ZSWIM6: variants seen among roughly 807,000 people sequenced by gnomAD.
ZSWIM6 encodes the protein zinc finger SWIM-type containing 6.
ZSWIM6 carries 9 observed loss-of-function variants against 113.2 expected under a neutral mutation model. That is an observed-to-expected ratio of 0.08 (90% CI 0.05 to 0.14). The LOEUF (loss-of-function observed/expected upper bound fraction) is 0.14. Ranked by LOEUF, ZSWIM6 falls within the 10% of genes least tolerant of loss-of-function variation. The pLI, the probability that ZSWIM6 is intolerant of heterozygous loss-of-function variation, is 1.00. For synonymous variants in ZSWIM6, 611 were observed against 606.5 expected, an observed-to-expected ratio of 1.01 and a Z score of -0.11; for missense variants, 1,162 against 1,552.2, an observed-to-expected ratio of 0.75 and a Z score of 4.22.
intron 1 of ZSWIM6, among the ~76,000 whole-genome samples, chr5:61,470,261 A>G (rs190231399): frequency 2.6e-5 from 4 of 152,356 alleles, no homozygotes; most frequent in Admixed American, 6.5e-5. Context: ...ATAAATGGTC[A>G]GTTTAGGATA....
chr5:61,482,357 G>C (rs1462690055), intron 2 of ZSWIM6, among the ~76,000 whole-genome samples: 2 of 148,334 alleles, frequency 1.3e-5, no homozygotes, highest in Non-Finnish European at 3.0e-5. Flanking sequence ...GGGGAGCGTG[G>C]GGGGTTAGGG....
At chr5:61,385,624 T>A (rs1361026191) in intron 1 of ZSWIM6, among the ~76,000 whole-genome samples, 1 of 152,222 alleles carries the variant, frequency 6.6e-6, no homozygotes, top group Non-Finnish European at 1.5e-5. Context: ...ATGTTAATGC[T>A]CTTTTCTCTT....
chr5:61,513,826 T>C (rs1339887339), intron 4 of ZSWIM6, among the ~76,000 whole-genome samples: 2 of 152,122 alleles, frequency 1.3e-5, no homozygotes, highest in Admixed American at 6.6e-5. Context: ...TATGTGCCTA[T>C]CCCTTCATCA....
chr5:61,481,790 A>G (rs369335230), intron 2 of ZSWIM6, among the ~76,000 whole-genome samples: 2 of 152,098 alleles, frequency 1.3e-5, no homozygotes, highest in Non-Finnish European at 2.9e-5. Flanking sequence ...AAATTCACAC[A>G]TCCATCTCTG....
At chr5:61,470,749 C>G (rs1368440232) in intron 1 of ZSWIM6, among the ~76,000 whole-genome samples, 1 of 152,186 alleles carries the variant, frequency 6.6e-6, no homozygotes, top group East Asian at 1.9e-4. Flanking sequence ...TATCGTGAAG[C>G]AGTAATAGTG....
At chr5:61,484,210 C>T (rs1747954400) in intron 2 of ZSWIM6, among the ~76,000 whole-genome samples, 1 of 152,102 alleles carries the variant, frequency 6.6e-6, no homozygotes, top group Non-Finnish European at 1.5e-5. Context: ...GCTGAAATGC[C>T]TTCAGTCATG....
intron 4 of ZSWIM6, among the ~76,000 whole-genome samples, chr5:61,520,954 A>G (rs888219720): frequency 6.6e-6 from 1 of 152,076 alleles, no homozygotes; most frequent in Non-Finnish European, 1.5e-5. Flanking sequence ...TATGAAGTAT[A>G]TTTTATTATG....
At chr5:61,404,624 G>T (rs1048132090) in intron 1 of ZSWIM6, among the ~76,000 whole-genome samples, 3 of 152,202 alleles carry the variant, frequency 2.0e-5, no homozygotes, top group Non-Finnish European at 2.9e-5. Context: ...GCCAGTAGCT[G>T]CCTCTTTGTT....
chr5:61,387,667 G>A (rs1379903473), intron 1 of ZSWIM6, among the ~76,000 whole-genome samples: 1 of 152,126 alleles, frequency 6.6e-6, no homozygotes, highest in African/African-American at 2.4e-5. Context: ...AGCACTTTGG[G>A]AGGCCGAGGC....
intron 4 of ZSWIM6, among the ~76,000 whole-genome samples, chr5:61,497,527 G>T (rs757063416): frequency 6.6e-6 from 1 of 152,052 alleles, no homozygotes; most frequent in Non-Finnish European, 1.5e-5. Context: ...GTTAACTTTT[G>T]TGATTTACTC....
chr5:61,388,100 A>C (rs1316066846), intron 1 of ZSWIM6, among the ~76,000 whole-genome samples: 1 of 150,012 alleles, frequency 6.7e-6, no homozygotes, highest in Non-Finnish European at 1.5e-5. Context: ...CTCATGCCTC[A>C]GTCTCCTGAG....
intron 1 of ZSWIM6, among the ~76,000 whole-genome samples, chr5:61,354,951 T>G (rs1280218313): frequency 6.6e-6 from 1 of 152,246 alleles, no homozygotes; most frequent in Admixed American, 6.5e-5. Flanking sequence ...TGTAGTCTAT[T>G]TAGATTTTTA....
At chr5:61,378,066 A>G (rs1400666427) in intron 1 of ZSWIM6, among the ~76,000 whole-genome samples, 1 of 152,242 alleles carries the variant, frequency 6.6e-6, no homozygotes, top group Admixed American at 6.5e-5. Context: ...AATGTAAATT[A>G]GGACAGTCTT....
chr5:61,537,774 T>C (rs370887996), intron 10 of ZSWIM6, among the ~76,000 whole-genome samples: 2 of 152,196 alleles, frequency 1.3e-5, no homozygotes, highest in African/African-American at 2.4e-5. Flanking sequence ...CCAGCTCTTA[T>C]CTTATTTCAT....
At chr5:61,352,788 C>A (rs1744819528) in intron 1 of ZSWIM6, among the ~76,000 whole-genome samples, 1 of 152,158 alleles carries the variant, frequency 6.6e-6, no homozygotes, top group Non-Finnish European at 1.5e-5. Context: ...GCATGTATTA[C>A]AGGGAAAAAC....
At chr5:61,440,558 T>G (rs953028968) in intron 1 of ZSWIM6, among the ~76,000 whole-genome samples, 3 of 152,150 alleles carry the variant, frequency 2.0e-5, no homozygotes, top group Non-Finnish European at 4.4e-5. Context: ...ACATTTAACT[T>G]ACTTCTTGGC....
intron 1 of ZSWIM6, among the ~76,000 whole-genome samples, chr5:61,374,790 C>G (rs1035254071): frequency 6.6e-6 from 1 of 152,122 alleles, no homozygotes; most frequent in Non-Finnish European, 1.5e-5. Context: ...CTCCTGACCT[C>G]ATGATCCGCC....
At chr5:61,334,070 GTC>G (rs991322387) in intron 1 of ZSWIM6, among the ~76,000 whole-genome samples, 1 of 152,240 alleles carries the variant, frequency 6.6e-6, no homozygotes, top group Non-Finnish European at 1.5e-5. Flanking sequence ...AAACAAAAGA[GTC>G]TCTTTCTTTT....
Position 61,416,748 on chromosome 5 carries a change from G to A in ZSWIM6, c.677-55933G>A, listed in dbSNP as rs926421524. The stretch of plus-strand genomic sequence containing the variant: ...GACAGAATTGAAACACAAATAAGTT[G>A]CTAAGACTAGAAAACACAAAGCCTA... On this transcript the variant is annotated intron_variant, in intron 1 of 13. Coordinates refer to ENST00000252744, the MANE Select transcript of ZSWIM6 (RefSeq NM_020928.2). 1.3e-5 allele frequency among the ~76,000 whole-genome samples: 2 copies of A among 152,346 alleles called. 1 individual carries two copies.
Sources: gnomAD v4.1 joint callset for allele counts (sites outside exome capture counted in the v4.1 genomes callset) on GRCh38, gnomAD v4.1.1 for gene constraint, MANE v1.5 for transcripts, NCBI Gene and HGNC (gene_info 2026-07-23, HGNC 2026-07-21) for gene names.